The following PLXNA4 variants were observed in gnomAD, a reference collection of about 807,000 sequenced individuals.
PLXNA4 encodes the protein plexin-A4.
In PLXNA4, 44 loss-of-function variants were observed where a neutral mutation model predicts 191.8. The observed-to-expected ratio is 0.23, with a 90% CI of 0.18 to 0.29. The LOEUF is 0.29. Among genes scored for constraint, PLXNA4 ranks in the 10% least tolerant of loss-of-function variants. PLXNA4 has a pLI of 1.00. For synonymous variants in PLXNA4, 1,082 were observed against 1,009.5 expected (o/e 1.07, Z -1.36); for missense variants, 1,800 against 2,488.8 (o/e 0.72, Z 5.89).
In PLXNA4 at chr7:132,474,255, CACAT is replaced by C. The variant is rs1239881011; in HGVS notation, c.1371+15033_1371+15036del. On this transcript the variant is annotated intron_variant, in intron 3 of 31. Transcript: ENST00000321063. The stretch of plus-strand genomic sequence containing the variant: ...ACACACACACACACACACACACACA[CACAT>C]GCACACACCAGCTGCAGCACTAGGG... Among the ~76,000 whole-genome samples, 472 of 137,544 alleles carry C rather than the reference CACAT, an allele frequency of 3.4e-3. 5 individuals carry two copies. The highest frequency in any genetic ancestry group is 0.011 in the African/African-American group (425 of 38,450). The allele number at this position is 137,544 out of a possible 152,430, so 90.2% of individuals were successfully genotyped here. A position where few individuals can be genotyped will look rare whatever the true frequency, so the allele number is the denominator to read the frequency against.
At chr7:132,505,287 T>C (rs1403370322) in intron 2 of PLXNA4, among the ~76,000 whole-genome samples, 1 of 152,232 alleles carries the variant, frequency 6.6e-6, no homozygotes, top group Non-Finnish European at 1.5e-5. Context: ...TCTGCAGACT[T>C]CCATGATGAA....
At chr7:132,554,374 G>C (rs930324775) in intron 1 of PLXNA4, among the ~76,000 whole-genome samples, 1 of 152,122 alleles carries the variant, frequency 6.6e-6, no homozygotes, top group South Asian at 2.1e-4. Flanking sequence ...GACCAGAGCC[G>C]GACTCTCTGC....
intron 3 of PLXNA4, among the ~76,000 whole-genome samples, chr7:132,447,633 T>A (rs1795959149): frequency 6.6e-6 from 1 of 152,162 alleles, no homozygotes; most frequent in Non-Finnish European, 1.5e-5. Context: ...AGAGGTCATC[T>A]AAGTCAGTCT....
At chr7:132,234,766 TC>T (rs1301481465) in intron 5 of PLXNA4, among the ~76,000 whole-genome samples, 1 of 152,104 alleles carries the variant, frequency 6.6e-6, no homozygotes, top group Non-Finnish European at 1.5e-5. Flanking sequence ...GGGACTCATT[TC>T]TTTGGAACAG....
In PLXNA4 at chr7:132,490,259, G is replaced by A. The variant is rs1189265440; in HGVS notation, c.1189-785C>T. On this transcript the variant is annotated intron_variant, in intron 2 of 31. Transcript: ENST00000321063. ...ACCCAGGTCCCCGATATGCTCTACA[G>A]ATAAAAGGGCTCTGCAGGCAAATTT... 4.6e-5 allele frequency among the ~76,000 whole-genome samples: 7 copies of A among 152,178 alleles called. No individual in the cohort carries two copies. The South Asian group carries it at 1.2e-3, about 27-fold the overall frequency.
intron 3 of PLXNA4, among the ~76,000 whole-genome samples, chr7:132,357,049 G>C (rs997040712): frequency 2.0e-5 from 3 of 152,146 alleles, no homozygotes; most frequent in South Asian, 2.1e-4. Flanking sequence ...TGAGAGGTGT[G>C]GTGTCCAAAT....
Position 132,198,618 on chromosome 7 carries a change from G to A in PLXNA4, c.2605C>T (p.Pro869Ser). The change falls in exon 13 of 32, where the codon CCC becomes TCC. Residue 869 changes from proline to serine, a missense_variant. Physicochemically the swap from Pro to Ser is moderately conservative, Grantham distance 74. Transcript: ENST00000321063. ...RITEIIPVTG[P>S]REGGTKVTIR... ...GTGACCTTGGTGCCCCCTTCCCGGGGGCCTGTCACCGGGATTATCTGGAGG... is the reference window on the plus strand; with the variant it reads ...GTGACCTTGGTGCCCCCTTCCCGGGAGCCTGTCACCGGGATTATCTGGAGG... 1 of 1,614,138 alleles carries A rather than the reference G, an allele frequency of 6.2e-7. No individual in the cohort carries two copies. Among genetic ancestry groups the A allele is most frequent in the East Asian group, 2.2e-5 (1 of 44,870 alleles).
At chr7:132,133,693 G>GCAAT (rs772568703) in intron 30 of PLXNA4, among the ~76,000 whole-genome samples, 16 of 152,196 alleles carry the variant, frequency 1.1e-4, no homozygotes, top group Non-Finnish European at 1.6e-4. Flanking sequence ...CTGGTAGAAG[G>GCAAT]CAATCAGTCA....
At chr7:132,140,943 G>T (rs1795250265) in intron 29 of PLXNA4, 132 bp from the exon 30 acceptor site, 6 of 1,441,610 alleles carry the variant, frequency 4.2e-6, no homozygotes, top group Non-Finnish European at 5.5e-6. Context: ...CTATGCTGCG[G>T]ATGGGATGTG....
At chr7:132,260,212 T>C (rs887749652) in intron 4 of PLXNA4, among the ~76,000 whole-genome samples, 1 of 152,156 alleles carries the variant, frequency 6.6e-6, no homozygotes, top group East Asian at 1.9e-4. Flanking sequence ...CACTCGTATG[T>C]TTATCGAAGT....
rs183312417 is a variant in PLXNA4 at position 132,402,185 on chromosome 7, T to A, written c.1371+87107A>T. Among the ~76,000 whole-genome samples the A allele has an allele frequency of 5.4e-4, 82 of 152,238 alleles. 1 individual carries two copies. Among genetic ancestry groups the A allele is most frequent in the Middle Eastern group, 3.4e-3 (1 of 294 alleles). On this transcript the variant is annotated intron_variant, in intron 3 of 31. Coordinates refer to ENST00000321063, the MANE Select transcript of PLXNA4 (RefSeq NM_020911.2). ...TCTTTATTCTTATTTTATACACAAG[T>A]CTAATAAGCTTGAGTATCTGTTTCC...
intron 3 of PLXNA4, among the ~76,000 whole-genome samples, chr7:132,323,337 C>T (rs547521224): frequency 8.5e-5 from 13 of 152,332 alleles, no homozygotes; most frequent in African/African-American, 2.9e-4. Flanking sequence ...TGAGGCTACA[C>T]AGTCCATTAG....
intron 1 of PLXNA4, among the ~76,000 whole-genome samples, chr7:132,539,213 C>T (rs903609586): frequency 1.1e-4 from 16 of 152,210 alleles, no homozygotes; most frequent in African/African-American, 3.9e-4. Flanking sequence ...GACTCTGTCC[C>T]TGCCACAAAG....
intron 25 of PLXNA4, among the ~76,000 whole-genome samples, chr7:132,154,037 G>T (rs901611722): frequency 1.3e-5 from 2 of 152,114 alleles, no homozygotes; most frequent in African/African-American, 2.4e-5. Flanking sequence ...CACAGTCCAC[G>T]CAGGACCACC....
At chr7:132,535,507 T>C (rs1373831325) in intron 1 of PLXNA4, among the ~76,000 whole-genome samples, 1 of 152,132 alleles carries the variant, frequency 6.6e-6, no homozygotes, top group Non-Finnish European at 1.5e-5. Flanking sequence ...CTCTTCCTCA[T>C]ATCAGCTGCA....
intron 28 of PLXNA4, chr7:132,145,570 G>T (rs1795395902): frequency 1.9e-5 from 8 of 419,696 alleles, no homozygotes; most frequent in Non-Finnish European, 3.5e-5. Flanking sequence ...CCCTCTGGCG[G>T]TGTTATTTTA....
intron 1 of PLXNA4, among the ~76,000 whole-genome samples, chr7:132,531,252 G>T (rs1436454073): frequency 6.6e-6 from 1 of 152,040 alleles, no homozygotes; most frequent in Non-Finnish European, 1.5e-5. Context: ...ACCACCACAA[G>T]AATTTTTAAA....
At chr7:132,595,078 T>A (rs1310526553) in intron 2 of PLXNA4, among the ~76,000 whole-genome samples, 2 of 152,018 alleles carry the variant, frequency 1.3e-5, no homozygotes, top group African/African-American at 4.8e-5. Context: ...TTAGATCCTG[T>A]TAGATCCTAG....
chr7:132,225,621 C>CG (rs547266972), intron 8 of PLXNA4, among the ~76,000 whole-genome samples: 10 of 151,450 alleles, frequency 6.6e-5, no homozygotes, highest in East Asian at 5.8e-4. Flanking sequence ...AGTCCGCCCC[C>CG]CCCCACAGCT....
Sources: allele counts gnomAD v4.1 joint callset (sites outside exome capture counted in the v4.1 genomes callset), GRCh38; gene constraint gnomAD v4.1.1; transcripts MANE v1.5; gene names NCBI Gene and HGNC (gene_info 2026-07-23, HGNC 2026-07-21).